Variants in PRRC2C observed in about 807,000 individuals in gnomAD.
The protein encoded by PRRC2C is protein PRRC2C.
Under a neutral mutation model 317.2 loss-of-function variants are expected in PRRC2C, and 72 were observed. That is an observed-to-expected ratio of 0.23 (90% CI 0.19 to 0.28). PRRC2C has a LOEUF of 0.28. PRRC2C is among the 10% of genes least tolerant of loss of function. PRRC2C has a pLI of 1.00. For synonymous variants in PRRC2C, 1,296 were observed against 1,205.9 expected, an observed-to-expected ratio of 1.07 and a Z score of -1.55; for missense variants, 3,074 against 3,459.7, an observed-to-expected ratio of 0.89 and a Z score of 2.80.
At chr1:171,542,315 A>G in intron 16 of PRRC2C, 86 bp downstream of exon 16, 3 of 1,207,998 alleles carry the variant, frequency 2.5e-6, no homozygotes, top group Non-Finnish European at 3.4e-6. Context: ...GCAAAGAGCC[A>G]GTCTAGATAA....
At chr1:171,579,122 AT>A (rs997214701) in intron 26 of PRRC2C, among the ~76,000 whole-genome samples, 20 of 151,372 alleles carry the variant, frequency 1.3e-4, no homozygotes, top group African/African-American at 3.4e-4. Context: ...CGGTATATAA[AT>A]TTTTTTTTCA....
intron 20 of PRRC2C, among the ~76,000 whole-genome samples, chr1:171,561,979 A>C (rs547648452): frequency 6.6e-6 from 1 of 152,282 alleles, no homozygotes; most frequent in South Asian, 2.1e-4. Flanking sequence ...TGGGACTTCC[A>C]TTGTCCTGTG....
At chr1:171,582,232 G>A (rs971234134) in intron 28 of PRRC2C, among the ~76,000 whole-genome samples, 2 of 152,196 alleles carry the variant, frequency 1.3e-5, no homozygotes, top group African/African-American at 4.8e-5. Flanking sequence ...GAACTTTGTA[G>A]TGAACACAAA....
At chr1:171,509,367 G>T (rs1166470550) in intron 1 of PRRC2C, among the ~76,000 whole-genome samples, 8 of 152,132 alleles carry the variant, frequency 5.3e-5, no homozygotes, top group Admixed American at 5.2e-4. Flanking sequence ...TGAGCTGAAG[G>T]TAATCAGTTA....
intron 1 of PRRC2C, among the ~76,000 whole-genome samples, chr1:171,489,735 A>G (rs757414718): frequency 1.4e-4 from 22 of 152,196 alleles, no homozygotes; most frequent in Non-Finnish European, 2.9e-4. Context: ...TAAGTGGTAG[A>G]AATGGCATTT....
chr1:171,587,362 T>C, intron 31 of PRRC2C, 141 bp downstream of exon 31: 1 of 813,726 alleles, frequency 1.2e-6, no homozygotes, highest in Non-Finnish European at 1.9e-6. Flanking sequence ...ATATTTACAT[T>C]TTATCTATTT....
chr1:171,548,932 G>C (rs1209599808), intron 17 of PRRC2C, among the ~76,000 whole-genome samples: 5 of 151,886 alleles, frequency 3.3e-5, no homozygotes, highest in Non-Finnish European at 2.9e-5. Context: ...GCTCATTGCA[G>C]TCTCAACCTC....
At chr1:171,523,764 G>A (rs200794807) in intron 9 of PRRC2C, among the ~76,000 whole-genome samples, 24 of 152,164 alleles carry the variant, frequency 1.6e-4, no homozygotes, top group Middle Eastern at 3.4e-3. Flanking sequence ...GGCTGGGTGC[G>A]GTGGCTCACA....
chr1:171,566,163 A>T, intron 20 of PRRC2C, 70 bp from the exon 21 acceptor site: 1 of 1,268,528 alleles, frequency 7.9e-7, no homozygotes, highest in Non-Finnish European at 1.1e-6. Flanking sequence ...CTTAAACTGT[A>T]TAGTGCTTCA....
Position 171,584,459 on chromosome 1 carries a change from G to C in PRRC2C, c.7682G>C (p.Gly2561Ala). 1 of 1,592,126 alleles carries C rather than the reference G, an allele frequency of 6.3e-7. No individual in the cohort carries two copies. Among genetic ancestry groups the C allele is most frequent in the Non-Finnish European group, 8.6e-7 (1 of 1,168,604 alleles). ...NLTQASNLYSGQVQQPGQTNF... is the reference protein window; with the variant it reads ...NLTQASNLYSAQVQQPGQTNF... ...ACCCAGGCCTCAAATCTTTATTCTG[G>C]ACAAGTACAACAGCCTGGTCAGACA... Residue 2561 changes from glycine (G) to alanine (A), a missense_variant, in exon 30 of 35, where the codon GGA (glycine) becomes GCA (alanine). By Grantham distance (60) the Gly-to-Ala change is moderately conservative (BLOSUM62 0). Around this residue, in one of 11 missense-constraint regions of PRRC2C, gnomAD observed 490 missense variants for 663.1 expected, o/e 0.74. Coordinates refer to ENST00000647382, the MANE Select transcript of PRRC2C (RefSeq NM_001387844.1).
chr1:171,585,786 A>G (rs1649745815), intron 30 of PRRC2C, among the ~76,000 whole-genome samples: 1 of 152,198 alleles, frequency 6.6e-6, no homozygotes, highest in Admixed American at 6.5e-5. Flanking sequence ...CTTTAATAGA[A>G]GAATGGAGAT....
intron 30 of PRRC2C, among the ~76,000 whole-genome samples, chr1:171,585,466 A>G (rs1649670358): frequency 6.6e-6 from 1 of 152,024 alleles, no homozygotes; most frequent in Non-Finnish European, 1.5e-5. Context: ...GTCATTAGTC[A>G]TTTTCTTATA....
chr1:171,533,645 GAC>G (rs1435172373), intron 12 of PRRC2C, among the ~76,000 whole-genome samples: 3 of 152,066 alleles, frequency 2.0e-5, no homozygotes, highest in African/African-American at 7.2e-5. Context: ...TTGTTTTTGA[GAC>G]AGAGTCTCTC....
chr1:171,571,356 G>A lies in PRRC2C; in HGVS notation c.6688G>A (p.Glu2230Lys). 5 of 1,612,754 alleles carry A rather than the reference G, an allele frequency of 3.1e-6. No individual in the cohort carries two copies. The highest frequency in any genetic ancestry group is 4.2e-6 in the Non-Finnish European group (5 of 1,178,812). ...CAACACCCTTCCCCTCCCTAAGAGG[G>A]AGACTATACAACAGAGCTCCAGCCT... ...LPNTLPLPKRETIQQSSSLTS... is the reference protein window; with the variant it reads ...LPNTLPLPKRKTIQQSSSLTS... Residue 2230 changes from glutamate (E) to lysine (K), a missense_variant, in exon 24 of 35, where the codon GAG becomes AAG. This residue lies in a region of PRRC2C where 640 missense variants were observed against 676.1 expected (regional missense o/e 0.95). Coordinates refer to ENST00000647382, the MANE Select transcript of PRRC2C (RefSeq NM_001387844.1).
intron 25 of PRRC2C, among the ~76,000 whole-genome samples, chr1:171,575,392 C>T (rs1055491417): frequency 5.9e-5 from 9 of 152,122 alleles, no homozygotes; most frequent in Non-Finnish European, 1.3e-4. Flanking sequence ...ACTAGATCAG[C>T]TCAAAAAGAA....
At position 171,540,129 on chromosome 1, in the gene PRRC2C, A is replaced by G. The variant is rs776857719; in HGVS notation, c.2663A>G (p.His888Arg). ...TCTGTGGAAGATGTTAGACCTCACC[A>G]TACTGATGCAAATAATCAGTCTGCT... is the stretch of plus-strand genomic sequence containing the variant. ...SRSVEDVRPH[H>R]TDANNQSACF... Residue 888 changes from histidine to arginine, a missense_variant, in exon 16 of 35, where the codon CAT (histidine) becomes CGT (arginine). Physicochemically the swap from His to Arg is conservative, Grantham distance 29. This residue lies in a region of PRRC2C where 1,320 missense variants were observed against 1,395.7 expected (regional missense o/e 0.95). Coordinates refer to ENST00000647382, the MANE Select transcript of PRRC2C (RefSeq NM_001387844.1). 3.1e-6 allele frequency: 5 copies of G among 1,614,000 alleles called. No homozygotes were observed. The East Asian group carries it at 6.7e-5, about 22-fold the overall frequency.
At chr1:171,520,797 CT>C (rs61220175) in intron 6 of PRRC2C, among the ~76,000 whole-genome samples, 56 of 109,318 alleles carry the variant, frequency 5.1e-4, no homozygotes, top group Admixed American at 1.1e-3. Flanking sequence ...ATTTCTTCTC[CT>C]TTTTTTTTTT....
chr1:171,590,884 C>G (rs1651271892), intron 34 of PRRC2C, among the ~76,000 whole-genome samples: 1 of 152,160 alleles, frequency 6.6e-6, no homozygotes, highest in East Asian at 1.9e-4. Flanking sequence ...AGGGTACAAA[C>G]TTCTTGAAAA....
Position 171,536,292 on chromosome 1 carries a change from G to A in PRRC2C, c.2293+14G>A, listed in dbSNP as rs1441445156. 1 of 1,610,068 alleles carries A rather than the reference G, an allele frequency of 6.2e-7. No individual in the cohort carries two copies. On this transcript the variant is annotated intron_variant, in intron 14 of 34. Coordinates refer to ENST00000647382, the MANE Select transcript of PRRC2C (RefSeq NM_001387844.1). ...CCATTCATCCTGGTCAGTTGAATTTGCATTTATAGTTTTACAGGATCAAAA... is the reference window on the plus strand; with the variant it reads ...CCATTCATCCTGGTCAGTTGAATTTACATTTATAGTTTTACAGGATCAAAA...
Sources: gnomAD v4.1 joint callset for allele counts (sites outside exome capture counted in the v4.1 genomes callset) on GRCh38, gnomAD v4.1.1 for gene constraint, gnomAD v4.1.1 regional missense constraint, MANE v1.5 for transcripts, NCBI Gene and HGNC (gene_info 2026-07-23, HGNC 2026-07-21) for gene names.